Variants in TENM4 observed in about 807,000 individuals in gnomAD.
TENM4 encodes teneurin-4.
TENM4 carries 82 observed loss-of-function variants against 243.3 expected under a neutral mutation model. That is an observed-to-expected ratio of 0.34 (90% CI 0.28 to 0.40). The LOEUF (loss-of-function observed/expected upper bound fraction) is 0.40. TENM4 is among the 10% of genes least tolerant of loss of function. TENM4 has a pLI of 1.00. For missense variants in TENM4, 3,138 were observed against 3,673.3 expected, an observed-to-expected ratio of 0.85 and a Z score of 3.77; for synonymous variants, 1,412 against 1,456.3, an observed-to-expected ratio of 0.97 and a Z score of 0.69.
At chr11:78,887,935 A>G (rs530049174) in intron 9 of TENM4, among the ~76,000 whole-genome samples, 78 of 152,358 alleles carry the variant, frequency 5.1e-4, no homozygotes, top group African/African-American at 1.9e-3. Flanking sequence ...CTGCCTGTCC[A>G]GAAGTCTACT....
At chr11:78,938,780 T>C (rs1486755390) in intron 6 of TENM4, among the ~76,000 whole-genome samples, 1 of 152,190 alleles carries the variant, frequency 6.6e-6, no homozygotes, top group Non-Finnish European at 1.5e-5. Context: ...ATTGGCTTTC[T>C]AGCACTTTGT....
At chr11:78,997,584 G>A (rs1858207696) in intron 6 of TENM4, among the ~76,000 whole-genome samples, 1 of 152,140 alleles carries the variant, frequency 6.6e-6, no homozygotes. Flanking sequence ...TCACCTCTTA[G>A]CTTAATGGGG....
intron 1 of TENM4, among the ~76,000 whole-genome samples, chr11:79,345,799 G>A (rs1397081045): frequency 6.6e-6 from 1 of 152,064 alleles, no homozygotes; most frequent in Non-Finnish European, 1.5e-5. Flanking sequence ...TCAATTATCT[G>A]GCCACATCTG....
intron 16 of TENM4, among the ~76,000 whole-genome samples, chr11:78,779,225 G>T (rs1277950524): frequency 6.6e-6 from 1 of 152,212 alleles, no homozygotes; most frequent in Non-Finnish European, 1.5e-5. Context: ...GTACACATGT[G>T]CCCACATATG....
chr11:79,078,828 T>A (rs1235566445), intron 4 of TENM4, among the ~76,000 whole-genome samples: 2 of 152,096 alleles, frequency 1.3e-5, no homozygotes, highest in Non-Finnish European at 2.9e-5. Flanking sequence ...TTTAGGGAGG[T>A]TAAGTATCCT....
At chr11:79,402,945 T>TC (rs1404397733) in intron 1 of TENM4, among the ~76,000 whole-genome samples, 14 of 152,208 alleles carry the variant, frequency 9.2e-5, no homozygotes. Context: ...GACTTTTTTT[T>TC]CTCTTTCCCC....
chr11:79,234,817 G>A (rs1415984870), intron 2 of TENM4, among the ~76,000 whole-genome samples: 3 of 152,168 alleles, frequency 2.0e-5, no homozygotes, highest in South Asian at 2.1e-4. Flanking sequence ...CCATGAATAC[G>A]TTGCCTGTGT....
At chr11:79,300,867 A>C (rs187103176) in intron 1 of TENM4, among the ~76,000 whole-genome samples, 2 of 152,298 alleles carry the variant, frequency 1.3e-5, no homozygotes, top group Admixed American at 6.5e-5. Flanking sequence ...CTAATCACAG[A>C]AAAGGGCACC....
At chr11:78,755,947 A>C (rs1335482325) in intron 19 of TENM4, among the ~76,000 whole-genome samples, 2 of 152,196 alleles carry the variant, frequency 1.3e-5, no homozygotes, top group Non-Finnish European at 2.9e-5. Flanking sequence ...CTACGTTGGA[A>C]GACATTCAAA....
At chr11:78,671,457 C>T (rs1027063745) in intron 31 of TENM4, among the ~76,000 whole-genome samples, 2 of 152,224 alleles carry the variant, frequency 1.3e-5, no homozygotes, top group African/African-American at 2.4e-5. Flanking sequence ...TGCACTTGTT[C>T]TCAGGAAAAG....
At chr11:79,439,136 C>G (rs1363960170) in intron 1 of TENM4, 1 of 147,460 alleles carries the variant, frequency 6.8e-6, no homozygotes, top group Non-Finnish European at 1.5e-5. Context: ...CCCCACCCCC[C>G]ACCCCGGCGA....
At chr11:79,109,394 C>G (rs985278850) in intron 4 of TENM4, among the ~76,000 whole-genome samples, 1 of 152,102 alleles carries the variant, frequency 6.6e-6, no homozygotes, top group East Asian at 1.9e-4. Flanking sequence ...ATGAACCAGT[C>G]TTTTTTGTGT....
intron 2 of TENM4, among the ~76,000 whole-genome samples, chr11:79,239,310 C>T (rs1422903669): frequency 6.6e-6 from 1 of 152,210 alleles, no homozygotes; most frequent in Non-Finnish European, 1.5e-5. Context: ...ATATGTCTCT[C>T]ATCCACGAAA....
chr11:78,692,837 G>A (rs1221027478), intron 28 of TENM4, among the ~76,000 whole-genome samples: 1 of 152,098 alleles, frequency 6.6e-6, no homozygotes, highest in Non-Finnish European at 1.5e-5. Flanking sequence ...GTGTTGGCAT[G>A]GCTTGTTCCT....
At chr11:79,390,386 C>G (rs573584334) in intron 1 of TENM4, among the ~76,000 whole-genome samples, 8 of 152,226 alleles carry the variant, frequency 5.3e-5, no homozygotes, top group Admixed American at 6.5e-5. Flanking sequence ...CATTTGCTCT[C>G]TACAGTACTT....
intron 32 of TENM4, 127 bp from the exon 33 acceptor site, chr11:78,661,718 G>T: frequency 8.4e-7 from 1 of 1,197,374 alleles, no homozygotes; most frequent in Non-Finnish European, 1.2e-6. Flanking sequence ...TGGTGGGAGA[G>T]TCAACTGCTA....
rs531413823 is a variant in TENM4, at chr11:79,169,292, T to G, written c.-162-20486A>C. Among the ~76,000 whole-genome samples the G allele has an allele frequency of 3.3e-5, 5 of 152,228 alleles. No homozygotes were observed. The South Asian group carries it at 1.0e-3, about 31-fold the overall frequency. ...TAGATGAGGGATACCCTGGCACATC[T>G]GTGAATTAAGCCCAGACTTGTGGCC... is the stretch of plus-strand genomic sequence containing the variant. On this transcript the variant is annotated intron_variant, in intron 3 of 33. Transcript: ENST00000278550.
At chr11:78,731,451 T>G (rs11237597) in intron 21 of TENM4, among the ~76,000 whole-genome samples, 2 of 152,130 alleles carry the variant, frequency 1.3e-5, no homozygotes, top group African/African-American at 4.8e-5. Flanking sequence ...AGGCATGAAA[T>G]ATACACAAAA....
chr11:79,266,389 G>C (rs766112661), intron 2 of TENM4, among the ~76,000 whole-genome samples: 1 of 152,188 alleles, frequency 6.6e-6, no homozygotes, highest in Non-Finnish European at 1.5e-5. Context: ...GAGCTTTCCT[G>C]CTTCTGCTAA....
Sources: allele counts gnomAD v4.1 joint callset (sites outside exome capture counted in the v4.1 genomes callset), GRCh38; gene constraint gnomAD v4.1.1; transcripts MANE v1.5; gene names NCBI Gene and HGNC (gene_info 2026-07-23, HGNC 2026-07-21).